Variants in SYT1 observed in about 807,000 individuals in gnomAD.
SYT1 encodes synaptotagmin-1.
SYT1 carries 8 observed loss-of-function variants against 44.8 expected under a neutral mutation model. The ratio of observed to expected loss-of-function variants is 0.18; its 90% CI spans 0.10 to 0.32. The LOEUF (loss-of-function observed/expected upper bound fraction) is 0.32, where lower values mean the gene tolerates loss of function less well. Ranked by LOEUF, SYT1 falls within the 10% of genes least tolerant of loss-of-function variation. The pLI, the probability that SYT1 is intolerant of heterozygous loss-of-function variation, is 1.00. For missense variants in SYT1, 286 were observed against 509.3 expected, an observed-to-expected ratio of 0.56 and a Z score of 4.22; for synonymous variants, 154 against 188.8, an observed-to-expected ratio of 0.82 and a Z score of 1.51.
intron 8 of SYT1, among the ~76,000 whole-genome samples, chr12:79,337,679 T>C (rs1450123621): frequency 2.6e-5 from 4 of 152,146 alleles, no homozygotes; most frequent in Admixed American, 2.6e-4. Flanking sequence ...TACTAAACAA[T>C]GCCTTCCAAG....
chr12:79,237,758 C>A (rs111245335), intron 4 of SYT1, among the ~76,000 whole-genome samples: 3 of 152,320 alleles, frequency 2.0e-5, no homozygotes, highest in African/African-American at 7.2e-5. Context: ...CTCATCATCA[C>A]CATTCCCATC....
At chr12:78,931,633 G>A (rs2137211868) in intron 1 of SYT1, among the ~76,000 whole-genome samples, 1 of 152,204 alleles carries the variant, frequency 6.6e-6, no homozygotes, top group Admixed American at 6.5e-5. Context: ...TTTCTCTCAG[G>A]AGTTATTTTA....
At chr12:79,042,335 C>A (rs1176092361) in intron 2 of SYT1, among the ~76,000 whole-genome samples, 2 of 150,218 alleles carry the variant, frequency 1.3e-5, no homozygotes, top group African/African-American at 4.8e-5. Context: ...GATTCAACTT[C>A]TTCCTGGTTT....
intron 4 of SYT1, among the ~76,000 whole-genome samples, chr12:79,219,815 T>TC (rs1355007056): frequency 6.6e-6 from 1 of 152,122 alleles, no homozygotes; most frequent in East Asian, 1.9e-4. Context: ...CCAGCAATGT[T>TC]CTTTTTGCTC....
intron 8 of SYT1, among the ~76,000 whole-genome samples, chr12:79,314,148 G>A (rs1316997419): frequency 8.9e-5 from 11 of 123,782 alleles, no homozygotes; most frequent in East Asian, 2.3e-4. Context: ...CAGCCTGGGC[G>A]ACAGAGCGAG....
intron 4 of SYT1, among the ~76,000 whole-genome samples, chr12:79,282,322 G>T (rs1042846282): frequency 1.3e-5 from 2 of 152,104 alleles, no homozygotes; most frequent in African/African-American, 2.4e-5. Flanking sequence ...AAATTAATTT[G>T]CCTTGTACTT....
At chr12:79,341,793 C>T (rs1025619178) in intron 8 of SYT1, among the ~76,000 whole-genome samples, 17 of 150,160 alleles carry the variant, frequency 1.1e-4, no homozygotes, top group Non-Finnish European at 2.2e-4. Context: ...CTCAGCCTCC[C>T]AAGTAGCTGG....
rs1158700247 is a variant in SYT1 at position 79,451,894 on chromosome 12, A to G, written c.*2770A>G. The stretch of plus-strand genomic sequence containing the variant: ...TTTTACCTTCATTTTTGATGAGGTG[A>G]TTTAAATTTTGTTTCACTTTGTGTA... On this transcript the variant is annotated 3_prime_UTR_variant, in exon 11 of 11. Transcript: ENST00000261205. 6.6e-6 allele frequency: 1 copy of G among 152,134 alleles called. No individual in the cohort carries two copies. Among genetic ancestry groups the G allele is most frequent in the Non-Finnish European group, 1.5e-5 (1 of 68,024 alleles). The allele number at this position is 152,134 out of a possible 1,614,324, so 9.4% of individuals were successfully genotyped here.
intron 3 of SYT1, among the ~76,000 whole-genome samples, chr12:79,065,406 AG>A (rs1875768397): frequency 6.6e-6 from 1 of 152,052 alleles, no homozygotes; most frequent in Non-Finnish European, 1.5e-5. Context: ...AGAGGAGTGG[AG>A]GGGAGGGGAG....
chr12:78,908,520 A>G (rs1466651149), intron 1 of SYT1, among the ~76,000 whole-genome samples: 1 of 151,890 alleles, frequency 6.6e-6, no homozygotes, highest in Non-Finnish European at 1.5e-5. Context: ...ATAAAACTGA[A>G]CAGAACTCAA....
intron 8 of SYT1, among the ~76,000 whole-genome samples, chr12:79,317,501 G>A (rs888036110): frequency 4.6e-5 from 7 of 152,144 alleles, no homozygotes; most frequent in African/African-American, 1.4e-4. Flanking sequence ...CTTGCTCCTG[G>A]GCTTCAGGAG....
At chr12:79,256,433 C>T (rs552030195) in intron 4 of SYT1, among the ~76,000 whole-genome samples, 11 of 152,224 alleles carry the variant, frequency 7.2e-5, no homozygotes, top group Non-Finnish European at 1.2e-4. Flanking sequence ...TTTGTCATTG[C>T]GCTTTCTTTA....
intron 1 of SYT1, among the ~76,000 whole-genome samples, chr12:78,876,463 GTTT>G (rs1555177002): frequency 1.1e-3 from 46 of 41,542 alleles, no homozygotes; most frequent in African/African-American, 2.7e-3. Flanking sequence ...AAATGGAGGT[GTTT>G]TTTTTTTTTT....
chr12:78,906,760 C>T (rs1876006757), intron 1 of SYT1, among the ~76,000 whole-genome samples: 1 of 152,040 alleles, frequency 6.6e-6, no homozygotes, highest in Non-Finnish European at 1.5e-5. Context: ...GTGTTCTGGG[C>T]TCTATCTTTA....
At chr12:78,958,570 C>T (rs1406064169) in intron 1 of SYT1, among the ~76,000 whole-genome samples, 1 of 152,020 alleles carries the variant, frequency 6.6e-6, no homozygotes, top group African/African-American at 2.4e-5. Flanking sequence ...TGGCACACAC[C>T]TGAAATCCCA....
intron 9 of SYT1, among the ~76,000 whole-genome samples, chr12:79,366,894 C>CTGTGTGTGTGTGTG (rs3995413): frequency 4.9e-4 from 57 of 117,470 alleles, no homozygotes; most frequent in Admixed American, 1.2e-3. Context: ...ATAAATAATA[C>CTGTGTGTGTGTGTG]TGTGTGTGTG....
At chr12:79,026,200 A>C (rs1022552226) in intron 2 of SYT1, among the ~76,000 whole-genome samples, 1 of 151,674 alleles carries the variant, frequency 6.6e-6, no homozygotes, top group Non-Finnish European at 1.5e-5. Flanking sequence ...GCTTCTGTTC[A>C]AACATTTTAA....
chr12:79,100,579 G>A (rs79834061), intron 3 of SYT1, among the ~76,000 whole-genome samples: 4,063 of 152,054 alleles, frequency 0.027, 128 homozygotes, highest in East Asian at 0.12. Flanking sequence ...GACTAAAAAG[G>A]TATAAACCAA....
chr12:78,941,774 A>G lies in SYT1; in HGVS notation c.-216-36025A>G, dbSNP rs80231827. Among the ~76,000 whole-genome samples, 12 of 152,312 alleles carry G rather than the reference A, an allele frequency of 7.9e-5. No individual in the cohort carries two copies. In the East Asian group the frequency reaches 2.3e-3, roughly 29 times the overall value. On this transcript the variant is annotated intron_variant, in intron 1 of 10. Transcript: ENST00000261205. ...ATGCTTCTTCTTCCTCCTTGAGCTA[A>G]TAGACACCTGGTCAGTTCACCTGCC...
Sources: allele counts gnomAD v4.1 joint callset (sites outside exome capture counted in the v4.1 genomes callset), GRCh38; gene constraint gnomAD v4.1.1; transcripts MANE v1.5; gene names NCBI Gene and HGNC (gene_info 2026-07-23, HGNC 2026-07-21).